Variants in VNN2 observed in about 807,000 individuals in gnomAD.
VNN2 encodes pantetheine hydrolase VNN2.
In VNN2, 43 loss-of-function variants were observed where a neutral mutation model predicts 43.0. That is an observed-to-expected ratio of 1.00 (90% CI 0.78 to 1.29). The LOEUF (loss-of-function observed/expected upper bound fraction) is 1.29. Ranked by LOEUF, VNN2 falls within the 50% of genes most tolerant of loss-of-function variation. The pLI, the probability that VNN2 is intolerant of heterozygous loss-of-function variation, is 0.00. For synonymous variants in VNN2, 230 were observed against 224.3 expected (o/e 1.03, Z -0.23); for missense variants, 652 against 619.7 (o/e 1.05, Z -0.55).
In VNN2 at chr6:132,752,898, T is replaced by C. The variant is rs1780212108; in HGVS notation, c.538-149A>G. On this transcript the variant is annotated intron_variant, in intron 3 of 6. Transcript: ENST00000326499. The stretch of plus-strand genomic sequence containing the variant: ...GATAAATCTGGCAATTGGAAGTAAA[T>C]TTCTAAGGAAAATGTGGAGGAATAT... The C allele has an allele frequency of 5.1e-6, 4 of 787,148 alleles. No individual in the cohort carries two copies. The African/African-American group carries it at 7.0e-5, about 14-fold the overall frequency. 48.8% of individuals were successfully genotyped at this position (787,148 alleles called of 1,614,324 possible).
At position 132,757,785 on chromosome 6, in the gene VNN2, AT is replaced by A. The variant is rs780644462; in HGVS notation, c.98del (p.His33LeufsTer19). 80 of 1,614,168 alleles carry A rather than the reference AT, an allele frequency of 5.0e-5. No individual in the cohort carries two copies. In the Admixed American group the frequency reaches 1.3e-3, roughly 27 times the overall value. ...CTGTTTTATTTGGCAAAATGACAGCATGTTCATACACTGCAGCTATAAAACT... is the reference window on the plus strand; with the variant it reads ...CTGTTTTATTTGGCAAAATGACAGCAGTTCATACACTGCAGCTATAAAACT... Reference protein sequence around the residue: ...QDSFIAAVYEHAVILPNKTET... With the variant: ...QDSFIAAVYEXAVILPNKTET... On this transcript the variant is annotated frameshift_variant, in exon 1 of 7. Coordinates refer to ENST00000326499, the MANE Select transcript of VNN2 (RefSeq NM_004665.6). LOFTEE classifies it high-confidence loss of function.
chr6:132,758,020 TCTTCTTCTTCTTC>T (rs1465927430), upstream of VNN2: 4,438 of 322,884 alleles, frequency 0.014, 870 homozygotes, highest in African/African-American at 0.071. Context: ...TTCTTCTTCT[TCTTCTTCTTCTTC>T]TTCTTCTTTT....
chr6:132,757,429 G>A lies in VNN2; in HGVS notation c.331C>T (p.Gln111Ter), dbSNP rs1254314316. 6.2e-7 allele frequency: 1 copy of A among 1,606,470 alleles called. No individual in the cohort carries two copies. The highest frequency in any genetic ancestry group is 2.2e-5 in the East Asian group (1 of 44,870). Residue 111 changes from glutamine (Q) to a stop codon, truncating the protein, a stop_gained, in exon 2 of 7, where the codon CAA becomes TAA. Coordinates refer to ENST00000326499, the MANE Select transcript of VNN2 (RefSeq NM_004665.6). LOFTEE classifies it high-confidence loss of function. ...PDPQVNWIPC[Q>*]DPHRFGHTPV... ...TAGTTAAAATACCTGTGGGGGTCTTGACACGGAATCCAGTTCACCTGAGGG... is the reference window on the plus strand; with the variant it reads ...TAGTTAAAATACCTGTGGGGGTCTTAACACGGAATCCAGTTCACCTGAGGG...
chr6:132,753,029 A>G, intron 3 of VNN2: 1 of 330,326 alleles, frequency 3.0e-6, no homozygotes, highest in Non-Finnish European at 5.5e-6. Flanking sequence ...CAAAGTCCGT[A>G]AGCTTTTTTT....
chr6:132,759,438 C>CAAAAAAAAAAAAAAA (rs58195059), upstream of VNN2, among the ~76,000 whole-genome samples: 12 of 69,162 alleles, frequency 1.7e-4, no homozygotes, highest in African/African-American at 3.5e-4. Context: ...AACTCCGTCT[C>CAAAAAAAAAAAAAAA]AAAAAAAAAA....
chr6:132,763,023 T>C (rs1780773276), intron 1 of VNN2, among the ~76,000 whole-genome samples: 1 of 152,186 alleles, frequency 6.6e-6, no homozygotes, highest in Admixed American at 6.5e-5. Context: ...TGCCAAAAGT[T>C]TCTTGCATTC....
upstream of VNN2, among the ~76,000 whole-genome samples, chr6:132,762,644 A>G (rs143903487): frequency 3.6e-4 from 55 of 152,290 alleles, no homozygotes; most frequent in African/African-American, 1.3e-3. Context: ...AGATGAGGTA[A>G]TCTTCCAGCT....
intron 4 of VNN2, 27 bp from the exon 5 acceptor site, chr6:132,751,545 A>G: frequency 6.3e-7 from 1 of 1,578,078 alleles, no homozygotes; most frequent in Non-Finnish European, 8.6e-7. Context: ...AGTCTTCTAA[A>G]AACAACACCA....
At chr6:132,745,050 G>A (rs982060366) in intron 6 of VNN2, among the ~76,000 whole-genome samples, 1 of 152,182 alleles carries the variant, frequency 6.6e-6, no homozygotes, top group Non-Finnish European at 1.5e-5. Flanking sequence ...ACCAGCAAAG[G>A]CTCATTCTGA....
chr6:132,757,293 G>A (rs1780531783), intron 2 of VNN2, 123 bp downstream of exon 2: 1 of 1,167,650 alleles, frequency 8.6e-7, no homozygotes, highest in Non-Finnish European at 1.1e-6. Flanking sequence ...GACAAATGTT[G>A]AGATAAATAT....
intron 6 of VNN2, among the ~76,000 whole-genome samples, chr6:132,748,730 G>A (rs569758161): frequency 2.6e-5 from 4 of 152,306 alleles, no homozygotes; most frequent in African/African-American, 9.6e-5. Context: ...CTAATTTGAA[G>A]CCAGCTTAAT....
At position 132,755,885 on chromosome 6, in the gene VNN2, C is replaced by T. The variant is rs755006118; in HGVS notation, c.495G>A (p.Val165=). The T allele has an allele frequency of 1.2e-6, 2 of 1,613,874 alleles. No homozygotes were observed. The highest frequency in any genetic ancestry group is 2.7e-5 in the African/African-American group (2 of 74,996). The change falls in exon 3 of 7, where the codon GTG becomes GTA. Residue 165 remains valine, a synonymous_variant. Transcript: ENST00000326499. Reference sequence around the variant, plus strand: ...CGAGTTTTCCTTCTGTATTATACACCACATTGGTATTGTATTGAAAGTAGC... The same window carrying T: ...CGAGTTTTCCTTCTGTATTATACACTACATTGGTATTGTATTGAAAGTAGC... ...PNGYFQYNTN[V]VYNTEGKLVA... is the part of the protein sequence containing the mutation.
At position 132,755,897 on chromosome 6, in the gene VNN2, G is replaced by T. The variant is rs753544900; in HGVS notation, c.483C>A (p.Tyr161Ter). 8.7e-6 allele frequency: 14 copies of T among 1,613,998 alleles called. No individual in the cohort carries two copies. In the East Asian group the frequency reaches 3.1e-4, roughly 36 times the overall value. The change falls in exon 3 of 7, where the codon TAC becomes TAA. Residue 161 changes from tyrosine (Y) to a stop codon, truncating the protein, a stop_gained. Coordinates refer to ENST00000326499, the MANE Select transcript of VNN2 (RefSeq NM_004665.6). LOFTEE classifies it high-confidence loss of function. ...STCPPNGYFQ[Y>*]NTNVVYNTEG... is the part of the protein sequence containing the mutation. ...CTGTATTATACACCACATTGGTATT[G>T]TATTGAAAGTAGCCATTAGGAGGAC...
Position 132,751,340 on chromosome 6 carries a change from G to GT in VNN2, c.1004dup (p.Asn335LysfsTer19). 1 of 1,614,154 alleles carries GT rather than the reference G, an allele frequency of 6.2e-7. No individual in the cohort carries two copies. Among genetic ancestry groups the GT allele is most frequent in the Non-Finnish European group, 8.5e-7 (1 of 1,180,014 alleles). The stretch of plus-strand genomic sequence containing the variant: ...CCCTGGAAATAAATCCCCTGAAAGT[G>GT]TTTTTCTGTACTGGAAATGGTTTGA... On this transcript the variant is annotated frameshift_variant, in exon 5 of 7. Coordinates refer to ENST00000326499, the MANE Select transcript of VNN2 (RefSeq NM_004665.6). LOFTEE classifies it high-confidence loss of function.
intron 3 of VNN2, among the ~76,000 whole-genome samples, chr6:132,755,383 C>CTTTT (rs397728432): frequency 2.5e-5 from 3 of 118,952 alleles, no homozygotes; most frequent in African/African-American, 6.2e-5. Context: ...TCTTTTTTTT[C>CTTTT]TTTTTTTTTT....
upstream of VNN2, chr6:132,760,632 C>T (rs1023193632): frequency 6.6e-6 from 1 of 151,740 alleles, no homozygotes; most frequent in Non-Finnish European, 1.5e-5. Context: ...CATGACCTAC[C>T]TTCATTGATC....
chr6:132,751,470 A>G lies in VNN2; in HGVS notation c.875T>C (p.Met292Thr). 1 of 1,614,120 alleles carries G rather than the reference A, an allele frequency of 6.2e-7. No homozygotes were observed. The highest frequency in any genetic ancestry group is 8.5e-7 in the Non-Finnish European group (1 of 1,180,012). Residue 292 changes from methionine to threonine, a missense_variant, in exon 5 of 7, where the codon ATG becomes ACG. Transcript: ENST00000326499. ...GAGAAGTTTTCCCAACTCTGTCTTC[A>G]TGTCATAATGATACACTTTGGGACC... Reference protein sequence around the residue: ...PNGPKVYHYDMKTELGKLLLS... With the variant: ...PNGPKVYHYDTKTELGKLLLS...
chr6:132,748,920 G>C (rs1341683866), intron 6 of VNN2, among the ~76,000 whole-genome samples: 1 of 152,090 alleles, frequency 6.6e-6, no homozygotes, highest in Non-Finnish European at 1.5e-5. Context: ...GACAGAGCAA[G>C]ACTCTGTTTA....
upstream of VNN2, among the ~76,000 whole-genome samples, chr6:132,761,565 C>T (rs112468029): frequency 7.3e-3 from 1,103 of 152,114 alleles, 15 homozygotes; most frequent in African/African-American, 0.025. Context: ...GAGGCTGAGG[C>T]GGGAGAATTG....
Sources: gnomAD v4.1 joint callset for allele counts (sites outside exome capture counted in the v4.1 genomes callset) on GRCh38, gnomAD v4.1.1 for gene constraint, MANE v1.5 for transcripts, NCBI Gene and HGNC (gene_info 2026-07-23, HGNC 2026-07-21) for gene names.